Variants in MALRD1 observed in about 807,000 individuals in gnomAD.
The protein encoded by MALRD1 is MAM and LDL-receptor class A domain-containing protein 1.
In MALRD1, 247 loss-of-function variants were observed where a neutral mutation model predicts 242.1. That is an observed-to-expected ratio of 1.02 (90% confidence interval 0.92 to 1.13). The LOEUF is 1.13. Ranked by LOEUF, MALRD1 falls within the 50% of genes most tolerant of loss-of-function variation. The pLI is 0.00. For synonymous variants in MALRD1, 995 were observed against 866.6 expected (o/e 1.15, Z -2.60); for missense variants, 2,989 against 2,533.1 (o/e 1.18, Z -3.86).
intron 18 of MALRD1, among the ~76,000 whole-genome samples, chr10:19,215,495 T>A (rs1837268731): frequency 6.6e-6 from 1 of 152,232 alleles, no homozygotes; most frequent in Non-Finnish European, 1.5e-5. Flanking sequence ...TTAAAAAAGC[T>A]GTCCACTTGT....
chr10:19,502,747 C>A (rs561943465), intron 31 of MALRD1, among the ~76,000 whole-genome samples: 1 of 152,002 alleles, frequency 6.6e-6, no homozygotes, highest in Non-Finnish European at 1.5e-5. Flanking sequence ...TATCCTAGGA[C>A]GGTATTTGAA....
At chr10:19,655,885 C>T (rs1387849341) in intron 36 of MALRD1, among the ~76,000 whole-genome samples, 1 of 152,016 alleles carries the variant, frequency 6.6e-6, no homozygotes, top group African/African-American at 2.4e-5. Flanking sequence ...TGCCATCTAG[C>T]TGATTAAGTG....
chr10:19,527,373 A>G (rs917832263), intron 31 of MALRD1, among the ~76,000 whole-genome samples: 3 of 152,212 alleles, frequency 2.0e-5, no homozygotes, highest in African/African-American at 4.8e-5. Context: ...GTGGAGTTTC[A>G]ATGTATGTAT....
At chr10:19,149,238 C>T (rs868765403) in intron 11 of MALRD1, among the ~76,000 whole-genome samples, 22 of 152,122 alleles carry the variant, frequency 1.4e-4, no homozygotes, top group Admixed American at 2.6e-4. Context: ...GCCTTTTCCT[C>T]CCAAGTAGCT....
chr10:19,413,442 A>G (rs1177592445), intron 28 of MALRD1, among the ~76,000 whole-genome samples: 1 of 152,088 alleles, frequency 6.6e-6, no homozygotes, highest in Non-Finnish European at 1.5e-5. Flanking sequence ...TTTCTGCTTT[A>G]TACTAGATTG....
At chr10:19,504,077 T>C (rs1838091465) in intron 31 of MALRD1, among the ~76,000 whole-genome samples, 3 of 152,230 alleles carry the variant, frequency 2.0e-5, no homozygotes, top group Admixed American at 1.3e-4. Flanking sequence ...TTAAGACATA[T>C]AGTATTCAAT....
At chr10:19,418,357 T>C (rs1217676097) in intron 28 of MALRD1, among the ~76,000 whole-genome samples, 1 of 152,142 alleles carries the variant, frequency 6.6e-6, no homozygotes, top group Non-Finnish European at 1.5e-5. Context: ...AAAAAGATTA[T>C]GTTTTTCAAG....
chr10:19,133,813 T>A, intron 8 of MALRD1, 43 bp from the exon 9 acceptor site: 3 of 895,352 alleles, frequency 3.4e-6, no homozygotes, highest in Non-Finnish European at 4.4e-6. Context: ...ATGTGAAGAT[T>A]AGAATACGGG....
At chr10:19,146,403 T>G (rs1833727745) in intron 11 of MALRD1, 59 bp downstream of exon 11, 10 of 1,175,542 alleles carry the variant, frequency 8.5e-6, no homozygotes, top group Non-Finnish European at 1.1e-5. Flanking sequence ...TGTGGAATGA[T>G]GATACTGTGT....
At chr10:19,476,767 A>G (rs1465200682) in intron 29 of MALRD1, among the ~76,000 whole-genome samples, 2 of 152,248 alleles carry the variant, frequency 1.3e-5, no homozygotes, top group Middle Eastern at 3.4e-3. Flanking sequence ...TTATTTTACA[A>G]CACTCTAATT....
chr10:19,709,543 A>G (rs552581249), intron 38 of MALRD1, among the ~76,000 whole-genome samples: 1 of 152,198 alleles, frequency 6.6e-6, no homozygotes, highest in African/African-American at 2.4e-5. Context: ...AATGGGAAAT[A>G]ATAAATTATT....
chr10:19,296,766 T>C (rs1274898810), intron 21 of MALRD1, among the ~76,000 whole-genome samples: 1 of 152,234 alleles, frequency 6.6e-6, no homozygotes, highest in East Asian at 1.9e-4. Context: ...TTATGCATTG[T>C]ACAAATGTGA....
intron 18 of MALRD1, among the ~76,000 whole-genome samples, chr10:19,255,655 T>C (rs1166763860): frequency 1.3e-5 from 2 of 152,104 alleles, no homozygotes; most frequent in Non-Finnish European, 2.9e-5. Flanking sequence ...GTTCATTAAT[T>C]CTCAAGAATG....
intron 21 of MALRD1, among the ~76,000 whole-genome samples, chr10:19,297,711 G>A (rs964983437): frequency 5.9e-5 from 9 of 151,546 alleles, no homozygotes; most frequent in Non-Finnish European, 8.8e-5. Flanking sequence ...AGTAACAGGG[G>A]ATGCAAAGAT....
rs76551072 is a variant in MALRD1, at chr10:19,595,385, G to A, written c.5872G>A (p.Glu1958Lys). Reference sequence around the variant, plus strand: ...CATGGAGTTCCCGTGCTCTACAGACGAGTGTATACCTTCCCTCCTGCTATG... The same window carrying A: ...CATGGAGTTCCCGTGCTCTACAGACAAGTGTATACCTTCCCTCCTGCTATG... ...SNMEFPCSTD[E>K]CIPSLLLCDG... is the part of the protein sequence containing the mutation. Residue 1958 changes from glutamate (E) to lysine (K), a missense_variant, in exon 34 of 40, where the codon GAG becomes AAG. Coordinates refer to ENST00000454679, the MANE Select transcript of MALRD1 (RefSeq NM_001142308.3). 27 of 1,550,322 alleles carry A rather than the reference G, an allele frequency of 1.7e-5. No individual in the cohort carries two copies. The highest frequency in any genetic ancestry group is 7.1e-5 in the South Asian group (6 of 84,054).
At chr10:19,515,622 C>T (rs771320167) in intron 31 of MALRD1, among the ~76,000 whole-genome samples, 14 of 151,960 alleles carry the variant, frequency 9.2e-5, no homozygotes, top group South Asian at 2.1e-4. Context: ...CACAGTGGCC[C>T]GATCTTAGCT....
chr10:19,377,622 A>G (rs2130773041), intron 26 of MALRD1, among the ~76,000 whole-genome samples: 1 of 140,968 alleles, frequency 7.1e-6, no homozygotes, highest in East Asian at 2.0e-4. Flanking sequence ...TGAAAAGTAT[A>G]AGTCTCAGTC....
At chr10:19,454,431 T>TATATATATATATAA (rs1011890675) in intron 29 of MALRD1, among the ~76,000 whole-genome samples, 113 of 136,632 alleles carry the variant, frequency 8.3e-4, no homozygotes, top group African/African-American at 2.4e-3. Flanking sequence ...TATATATATA[T>TATATATATATATAA]AATTATATGA....
intron 39 of MALRD1, 93 bp downstream of exon 39, chr10:19,730,874 A>G (rs1157407961): frequency 8.8e-7 from 1 of 1,132,146 alleles, no homozygotes; most frequent in Non-Finnish European, 1.2e-6. Context: ...TTGCTTGATC[A>G]TGTTTCTACA....
Sources: allele counts gnomAD v4.1 joint callset (sites outside exome capture counted in the v4.1 genomes callset), GRCh38; gene constraint gnomAD v4.1.1; transcripts MANE v1.5; gene names NCBI Gene and HGNC (gene_info 2026-07-23, HGNC 2026-07-21).